Variants in PLCB1 observed in about 807,000 individuals in gnomAD.
The protein encoded by PLCB1 is 1-phosphatidylinositol 4,5-bisphosphate phosphodiesterase beta-1.
In PLCB1, 46 loss-of-function variants were observed where a neutral mutation model predicts 161.8. The ratio of observed to expected loss-of-function variants is 0.28; its 90% CI spans 0.22 to 0.36. The LOEUF (loss-of-function observed/expected upper bound fraction) is 0.36, where lower values mean the gene tolerates loss of function less well. Among genes scored for constraint, PLCB1 ranks in the 10% least tolerant of loss-of-function variants. The probability of loss-of-function intolerance (pLI) is 1.00; values close to 1 mark genes in which losing one functional copy is unlikely to be tolerated. For synonymous variants in PLCB1, 517 were observed against 503.7 expected (o/e 1.03, Z -0.35); for missense variants, 1,016 against 1,472.5 (o/e 0.69, Z 5.07).
intron 9 of PLCB1, among the ~76,000 whole-genome samples, chr20:8,683,396 GA>G (rs11481284): frequency 2.7e-5 from 4 of 148,564 alleles, no homozygotes; most frequent in South Asian, 2.1e-4. Flanking sequence ...GTTTCAACAA[GA>G]AAAAAAAAAG....
intron 2 of PLCB1, among the ~76,000 whole-genome samples, chr20:8,198,334 G>A (rs567787264): frequency 1.2e-4 from 18 of 151,818 alleles, no homozygotes; most frequent in Admixed American, 2.6e-4. Flanking sequence ...CTTTTATTTC[G>A]CTGAGCAGTG....
chr20:8,336,280 A>G (rs1409509589), intron 2 of PLCB1, among the ~76,000 whole-genome samples: 3 of 152,212 alleles, frequency 2.0e-5, no homozygotes, highest in African/African-American at 7.2e-5. Flanking sequence ...ACACCTATAT[A>G]CGTACATGTT....
intron 3 of PLCB1, among the ~76,000 whole-genome samples, chr20:8,412,571 G>T (rs1389926593): frequency 6.6e-6 from 1 of 152,166 alleles, no homozygotes; most frequent in Non-Finnish European, 1.5e-5. Flanking sequence ...CTGTCTTAGA[G>T]GATTTTATGG....
At chr20:8,445,816 A>C (rs1283728744) in intron 3 of PLCB1, among the ~76,000 whole-genome samples, 1 of 151,982 alleles carries the variant, frequency 6.6e-6, no homozygotes, top group African/African-American at 2.4e-5. Context: ...GCAATTGTGA[A>C]TGGGAGTTCA....
At chr20:8,283,075 C>G (rs1054482805) in intron 2 of PLCB1, among the ~76,000 whole-genome samples, 2 of 152,144 alleles carry the variant, frequency 1.3e-5, no homozygotes, top group South Asian at 4.1e-4. Flanking sequence ...TGCTTCAGCT[C>G]CAGACTTCAC....
intron 31 of PLCB1, among the ~76,000 whole-genome samples, chr20:8,813,734 G>A (rs1299692593): frequency 6.6e-6 from 1 of 152,128 alleles, no homozygotes; most frequent in African/African-American, 2.4e-5. Context: ...AGGAGGCTGA[G>A]GCGGGAGGAT....
At chr20:8,579,755 A>G (rs1416075046) in intron 3 of PLCB1, among the ~76,000 whole-genome samples, 1 of 152,118 alleles carries the variant, frequency 6.6e-6, no homozygotes, top group South Asian at 2.1e-4. Context: ...TGACTATAGA[A>G]GAGTCTAGCT....
At chr20:8,263,317 A>T (rs530775518) in intron 2 of PLCB1, among the ~76,000 whole-genome samples, 1 of 149,998 alleles carries the variant, frequency 6.7e-6, no homozygotes, top group Non-Finnish European at 1.5e-5. Flanking sequence ...GACTGTATTA[A>T]AAAGGAGATG....
intron 3 of PLCB1, among the ~76,000 whole-genome samples, chr20:8,594,320 G>A (rs1272201087): frequency 2.0e-5 from 3 of 152,082 alleles, no homozygotes; most frequent in African/African-American, 7.2e-5. Flanking sequence ...GTCTGGAATG[G>A]GACTTAGCAA....
rs1232928187 is a variant in PLCB1 at position 8,662,367 on chromosome 20, A to T, written c.862+3663A>T. On this transcript the variant is annotated intron_variant, in intron 9 of 31. Transcript: ENST00000338037. The stretch of plus-strand genomic sequence containing the variant: ...TATGTATAATATGTAATTATTTATT[A>T]TATAATTATGTATAATATATAATTA... 3.1e-4 allele frequency among the ~76,000 whole-genome samples: 40 copies of T among 128,830 alleles called. No individual in the cohort carries two copies. The South Asian group carries it at 4.8e-3, about 16-fold the overall frequency. 84.5% of individuals were successfully genotyped at this position (128,830 alleles called of 152,430 possible).
At chr20:8,516,851 T>C (rs921869518) in intron 3 of PLCB1, among the ~76,000 whole-genome samples, 7 of 151,978 alleles carry the variant, frequency 4.6e-5, no homozygotes, top group Non-Finnish European at 8.8e-5. Context: ...CCATCAAAGA[T>C]TTCCTATGTG....
chr20:8,517,445 A>C (rs1984176346), intron 3 of PLCB1, among the ~76,000 whole-genome samples: 1 of 152,214 alleles, frequency 6.6e-6, no homozygotes. Context: ...TAAGGCTCAC[A>C]TACAGGGGAG....
chr20:8,314,064 A>G (rs1326182435), intron 2 of PLCB1, among the ~76,000 whole-genome samples: 1 of 152,156 alleles, frequency 6.6e-6, no homozygotes, highest in Admixed American at 6.6e-5. Flanking sequence ...TCCATTTTCA[A>G]AGTTCTATGC....
At chr20:8,550,895 G>C (rs4816068) in intron 3 of PLCB1, among the ~76,000 whole-genome samples, 118,458 of 151,976 alleles carry the variant, frequency 0.78, 46,583 homozygotes, top group East Asian at 0.98. Context: ...CTCCCCAAGT[G>C]TCTGAATAAT....
chr20:8,517,459 G>A (rs1287815614), intron 3 of PLCB1, among the ~76,000 whole-genome samples: 1 of 152,136 alleles, frequency 6.6e-6, no homozygotes, highest in African/African-American at 2.4e-5. Context: ...AGGGGAGAGA[G>A]GCCAGTGGTG....
intron 2 of PLCB1, among the ~76,000 whole-genome samples, chr20:8,175,639 A>G (rs1364723460): frequency 1.5e-4 from 23 of 152,176 alleles, no homozygotes; most frequent in Admixed American, 1.5e-3. Flanking sequence ...CAAATCCATG[A>G]TTCATAAGAA....
At chr20:8,284,772 C>T (rs1363326446) in intron 2 of PLCB1, among the ~76,000 whole-genome samples, 2 of 152,080 alleles carry the variant, frequency 1.3e-5, no homozygotes, top group Non-Finnish European at 2.9e-5. Context: ...TTTCCTTCCA[C>T]TTTGCCCTTA....
At chr20:8,507,671 G>A (rs1983694356) in intron 3 of PLCB1, among the ~76,000 whole-genome samples, 8 of 152,124 alleles carry the variant, frequency 5.3e-5, no homozygotes, top group Admixed American at 3.9e-4. Flanking sequence ...ACAAGGAAGT[G>A]GTAAGCCAGA....
chr20:8,348,918 T>C (rs1349416258), intron 2 of PLCB1, among the ~76,000 whole-genome samples: 1 of 152,046 alleles, frequency 6.6e-6, no homozygotes, highest in Non-Finnish European at 1.5e-5. Context: ...AAGTATAAAA[T>C]GGAATTTTGG....
Sources: gnomAD v4.1 joint callset for allele counts (sites outside exome capture counted in the v4.1 genomes callset) on GRCh38, gnomAD v4.1.1 for gene constraint, MANE v1.5 for transcripts, NCBI Gene and HGNC (gene_info 2026-07-23, HGNC 2026-07-21) for gene names.